TECTB: variants seen among roughly 807,000 people sequenced by gnomAD.
TECTB encodes the protein tectorin beta.
Under a neutral mutation model 43.3 loss-of-function variants are expected in TECTB, and 45 were observed. The observed-to-expected ratio is 1.04, with a 90% CI of 0.82 to 1.33. The LOEUF is 1.33. TECTB is among the 40% of genes most tolerant of loss of function. TECTB has a pLI of 0.00. For synonymous variants in TECTB, 169 were observed against 156.7 expected (o/e 1.08, Z -0.59); for missense variants, 399 against 404.7 (o/e 0.99, Z 0.12).
At chr10:112,290,213 T>C (rs1848486705) in intron 5 of TECTB, among the ~76,000 whole-genome samples, 1 of 152,226 alleles carries the variant, frequency 6.6e-6, no homozygotes, top group African/African-American at 2.4e-5. Context: ...ACTACCTGTC[T>C]GTCAGTCACT....
At chr10:112,302,493 T>C in intron 10 of TECTB, 1 of 420,212 alleles carries the variant, frequency 2.4e-6, no homozygotes, top group Non-Finnish European at 4.1e-6. Context: ...TATGGCTCTG[T>C]CTTTTATTAA....
chr10:112,293,977 G>C lies in TECTB; in HGVS notation c.588-1G>C, dbSNP rs1848523268. On this transcript the variant is annotated splice_acceptor_variant, in intron 6 of 10. Transcript: ENST00000646139. LOFTEE classifies it high-confidence loss of function. ...GTGATGCCATTTTGTTTTATTTCCA[G>C]GTTTAAAGTGGTCTTGAACAGCTGT... 1 of 1,614,166 alleles carries C rather than the reference G, an allele frequency of 6.2e-7. No individual in the cohort carries two copies. Among genetic ancestry groups the C allele is most frequent in the Middle Eastern group, 1.6e-4 (1 of 6,062 alleles).
rs199620965 is a variant in TECTB, at chr10:112,302,123, T to C, written c.930T>C (p.Tyr310=). 8.1e-6 allele frequency: 13 copies of C among 1,614,122 alleles called. No homozygotes were observed. Among genetic ancestry groups the C allele is most frequent in the South Asian group, 1.1e-5 (1 of 91,056 alleles). Reference sequence around the variant, plus strand: ...CAGGCAGGGGATTTTCCAGTCTCTATAGCTTCTCAGGTAAGGAAAAGAGAC... The same window carrying C: ...CAGGCAGGGGATTTTCCAGTCTCTACAGCTTCTCAGGTAAGGAAAAGAGAC... ...SLRSRGFSSL[Y]SFSDVLHHLI... is the part of the protein sequence containing the mutation. Residue 310 remains tyrosine (Y), a synonymous_variant, in exon 10 of 11, where the codon TAT becomes TAC. Transcript: ENST00000646139.
At position 112,298,146 on chromosome 10, in the gene TECTB, G is replaced by A. The variant is rs142767041; in HGVS notation, c.749G>A (p.Arg250Gln). 3.0e-5 allele frequency: 49 copies of A among 1,614,192 alleles called. No homozygotes were observed. Among genetic ancestry groups the A allele is most frequent in the Middle Eastern group, 1.6e-4 (1 of 6,062 alleles). Residue 250 changes from arginine (R) to glutamine (Q), a missense_variant, in exon 8 of 11, where the codon CGG becomes CAG. Transcript: ENST00000646139. ...HRATFQFNAFRFQNIPKLSKV... is the reference protein window; with the variant it reads ...HRATFQFNAFQFQNIPKLSKV... ...GCAACCTTCCAATTCAATGCTTTCCGGTTCCAGAACATCCCCAAACTCTCC... is the reference window on the plus strand; with the variant it reads ...GCAACCTTCCAATTCAATGCTTTCCAGTTCCAGAACATCCCCAAACTCTCC...
At chr10:112,292,185 G>T (rs537991937) in intron 5 of TECTB, among the ~76,000 whole-genome samples, 104 of 151,562 alleles carry the variant, frequency 6.9e-4, no homozygotes, top group Non-Finnish European at 1.3e-3. Flanking sequence ...AGCAGTTCAA[G>T]ATTGTTACTA....
At chr10:112,302,603 G>A in intron 10 of TECTB, 11 of 338,978 alleles carry the variant, frequency 3.2e-5, no homozygotes, top group Non-Finnish European at 5.8e-5. Flanking sequence ...CTGTGGTATA[G>A]ATATTTAATT....
chr10:112,292,359 T>C (rs112657589), intron 5 of TECTB, among the ~76,000 whole-genome samples: 8 of 152,272 alleles, frequency 5.3e-5, no homozygotes, highest in African/African-American at 1.9e-4. Context: ...CTGCTGTTAC[T>C]GTGCTCACAT....
At chr10:112,295,959 C>T (rs942219389) in intron 7 of TECTB, among the ~76,000 whole-genome samples, 1 of 152,142 alleles carries the variant, frequency 6.6e-6, no homozygotes, top group Non-Finnish European at 1.5e-5. Context: ...CCTACCAGAT[C>T]AGAAGGACTC....
chr10:112,303,408 C>G lies in TECTB; in HGVS notation c.*96C>G. ...CTGCCAAAAAGAACAAACAGAAGAC[C>G]ACATTGTTGGGGGGCAGAGAATAGC... On this transcript the variant is annotated 3_prime_UTR_variant, in exon 11 of 11. Transcript: ENST00000646139. The G allele has an allele frequency of 1.3e-6, 2 of 1,492,958 alleles. No homozygotes were observed. Among genetic ancestry groups the G allele is most frequent in the Non-Finnish European group, 1.9e-6 (2 of 1,071,358 alleles). 92.5% of individuals were successfully genotyped at this position (1,492,958 alleles called of 1,614,324 possible).
intron 7 of TECTB, among the ~76,000 whole-genome samples, chr10:112,295,983 G>A (rs571261132): frequency 6.4e-4 from 98 of 152,184 alleles, no homozygotes; most frequent in Non-Finnish European, 6.2e-4. Flanking sequence ...GGAAACCCAC[G>A]GAATCTGCAT....
At chr10:112,294,390 G>A (rs550289507) in intron 7 of TECTB, among the ~76,000 whole-genome samples, 20 of 152,204 alleles carry the variant, frequency 1.3e-4, no homozygotes, top group South Asian at 4.2e-4. Context: ...GTGTGTGTGC[G>A]CATGCGTGTG....
chr10:112,287,276 C>T (rs942848394), intron 5 of TECTB, among the ~76,000 whole-genome samples: 1 of 152,210 alleles, frequency 6.6e-6, no homozygotes, highest in East Asian at 1.9e-4. Flanking sequence ...GTTAAAGGCA[C>T]ACTTTGGTCT....
Position 112,303,408 on chromosome 10 carries a change from C to T in TECTB, c.*96C>T. On this transcript the variant is annotated 3_prime_UTR_variant, in exon 11 of 11. Transcript: ENST00000646139. ...CTGCCAAAAAGAACAAACAGAAGAC[C>T]ACATTGTTGGGGGGCAGAGAATAGC... is the stretch of plus-strand genomic sequence containing the variant. 3 of 1,492,956 alleles carry T rather than the reference C, an allele frequency of 2.0e-6. No homozygotes were observed. Among genetic ancestry groups the T allele is most frequent in the Non-Finnish European group, 2.8e-6 (3 of 1,071,356 alleles). 92.5% of individuals were successfully genotyped at this position (1,492,956 alleles called of 1,614,324 possible).
chr10:112,304,713 T>A lies in TECTB; in HGVS notation c.*1401T>A, dbSNP rs759182122. On this transcript the variant is annotated 3_prime_UTR_variant, in exon 11 of 11. Transcript: ENST00000646139. Reference sequence around the variant, plus strand: ...TTAAACTAGTTATGAAATCTCCGGATACATGAAGTGTATGTTTGTTTAGTA... The same window carrying A: ...TTAAACTAGTTATGAAATCTCCGGAAACATGAAGTGTATGTTTGTTTAGTA... The A allele has an allele frequency of 7.1e-6, 1 of 140,974 alleles. No individual in the cohort carries two copies. Among genetic ancestry groups the A allele is most frequent in the Non-Finnish European group, 1.5e-5 (1 of 68,008 alleles). 8.7% of individuals were successfully genotyped at this position (140,974 alleles called of 1,614,324 possible). A position where few individuals can be genotyped will look rare whatever the true frequency, so the allele number is the denominator to read the frequency against.
rs754406724 is a variant in TECTB, at chr10:112,294,078, G to A, written c.671+17G>A. On this transcript the variant is annotated intron_variant, in intron 7 of 10. Transcript: ENST00000646139. The stretch of plus-strand genomic sequence containing the variant: ...CAACAAGGGGTAGGTACACTATCTA[G>A]AGACAGGGCTGAACAGTGGAACCAG... 6.2e-7 allele frequency: 1 copy of A among 1,610,810 alleles called. No homozygotes were observed. Among genetic ancestry groups the A allele is most frequent in the Admixed American group, 1.7e-5 (1 of 60,000 alleles).
chr10:112,295,741 C>T (rs1848540950), intron 7 of TECTB, among the ~76,000 whole-genome samples: 1 of 152,220 alleles, frequency 6.6e-6, no homozygotes, highest in African/African-American at 2.4e-5. Context: ...CTCTCTCAGG[C>T]AATGGTCACA....
In TECTB at chr10:112,285,974, G is replaced by A. The variant is rs150593000; in HGVS notation, c.268-97G>A. The A allele has an allele frequency of 3.3e-4, 491 of 1,500,380 alleles. 2 individuals carry two copies. The African/African-American group carries it at 5.2e-3, about 16-fold the overall frequency. The allele number at this position is 1,500,380 out of a possible 1,614,324, so 92.9% of individuals were successfully genotyped here. A position where few individuals can be genotyped will look rare whatever the true frequency, so the allele number is the denominator to read the frequency against. On this transcript the variant is annotated intron_variant, in intron 3 of 10. Transcript: ENST00000646139. ...GGCAGACATTTCTGTCTCCCCACTG[G>A]ACTTGTTTTTGAGCCATCTTCTTGC...
chr10:112,294,999 C>T (rs1040799912), intron 7 of TECTB, among the ~76,000 whole-genome samples: 3 of 152,136 alleles, frequency 2.0e-5, no homozygotes, highest in African/African-American at 4.8e-5. Context: ...TATGGATTCT[C>T]GCTGAGTTCA....
chr10:112,302,003 C>T lies in TECTB; in HGVS notation c.908-98C>T, dbSNP rs530993590. ...TGGGATTACAAGTGTGAGCCGCAGC[C>T]CCCAGCCAGGTTTTGTGTTGTAGAA... On this transcript the variant is annotated intron_variant, in intron 9 of 10. Coordinates refer to ENST00000646139, the MANE Select transcript of TECTB (RefSeq NM_058222.3). The T allele has an allele frequency of 6.9e-6, 10 of 1,439,466 alleles. No individual in the cohort carries two copies. In the African/African-American group the frequency reaches 1.1e-4, roughly 16 times the overall value. 89.2% of individuals were successfully genotyped at this position (1,439,466 alleles called of 1,614,324 possible). A position where few individuals can be genotyped will look rare whatever the true frequency, so the allele number is the denominator to read the frequency against.
Sources: allele counts gnomAD v4.1 joint callset (sites outside exome capture counted in the v4.1 genomes callset), GRCh38; gene constraint gnomAD v4.1.1; transcripts MANE v1.5; gene names NCBI Gene and HGNC (gene_info 2026-07-23, HGNC 2026-07-21).